Variants in IL10RB observed in about 807,000 individuals in gnomAD.
IL10RB encodes the protein interleukin-10 receptor subunit beta.
IL10RB carries 30 observed loss-of-function variants against 38.7 expected under a neutral mutation model. The ratio of observed to expected loss-of-function variants is 0.78; its 90% CI spans 0.58 to 1.05. The LOEUF (loss-of-function observed/expected upper bound fraction) is 1.05, where lower values mean the gene tolerates loss of function less well. Ranked by LOEUF, IL10RB falls within the 50% of genes least tolerant of loss-of-function variation. IL10RB has a pLI of 0.00. For synonymous variants in IL10RB, 142 were observed against 145.9 expected (o/e 0.97, Z 0.19); for missense variants, 328 against 397.1 (o/e 0.83, Z 1.48).
chr21:33,276,858 G>T (rs1739262151), intron 3 of IL10RB, 105 bp downstream of exon 3: 1 of 886,998 alleles, frequency 1.1e-6, no homozygotes, highest in Non-Finnish European at 1.9e-6. Flanking sequence ...CCCACAAATG[G>T]ATGGCCTTGC....
intron 2 of IL10RB, among the ~76,000 whole-genome samples, chr21:33,269,557 C>T (rs1461905271): frequency 6.6e-6 from 1 of 151,760 alleles, no homozygotes; most frequent in Admixed American, 6.6e-5. Flanking sequence ...TGTTTTTTAA[C>T]TTTTAGTTCA....
chr21:33,286,844 C>A (rs1989383494), intron 5 of IL10RB, among the ~76,000 whole-genome samples: 1 of 152,030 alleles, frequency 6.6e-6, no homozygotes, highest in Non-Finnish European at 1.5e-5. Context: ...CAGAACAAGA[C>A]TCTATCTCAA....
intron 2 of IL10RB, among the ~76,000 whole-genome samples, chr21:33,269,443 T>A (rs1251117323): frequency 2.0e-5 from 3 of 152,214 alleles, no homozygotes; most frequent in Non-Finnish European, 4.4e-5. Context: ...GGAAATTTCT[T>A]CCCAGATCCA....
At chr21:33,285,257 G>GC (rs1157271672) in intron 5 of IL10RB, among the ~76,000 whole-genome samples, 1 of 152,134 alleles carries the variant, frequency 6.6e-6, no homozygotes. Context: ...TAAGTAACTT[G>GC]CCCAAATGCT....
chr21:33,288,303 C>A (rs780525496), intron 6 of IL10RB, 42 bp downstream of exon 6: 2 of 1,582,966 alleles, frequency 1.3e-6, no homozygotes, highest in Admixed American at 1.7e-5. Flanking sequence ...AAACCTTGAT[C>A]GGAAAGAGCT....
intron 6 of IL10RB, among the ~76,000 whole-genome samples, chr21:33,291,859 C>T (rs1163127541): frequency 6.6e-6 from 1 of 152,184 alleles, no homozygotes; most frequent in Non-Finnish European, 1.5e-5. Context: ...CATTCCACAG[C>T]AGTGGTGGCT....
intron 1 of IL10RB, among the ~76,000 whole-genome samples, chr21:33,307,609 C>G (rs902530971): frequency 7.9e-5 from 12 of 152,290 alleles, no homozygotes; most frequent in African/African-American, 2.4e-4. Flanking sequence ...CACGGAACAG[C>G]CTGGGATGTG....
At chr21:33,271,587 G>A (rs1011651799) in intron 2 of IL10RB, among the ~76,000 whole-genome samples, 9 of 152,128 alleles carry the variant, frequency 5.9e-5, no homozygotes, top group Admixed American at 4.6e-4. Flanking sequence ...AATTAGCCGG[G>A]TATGGTGGTG....
At position 33,288,090 on chromosome 21, in the gene IL10RB, A is replaced by C. The variant is rs45526732; in HGVS notation, c.647-14A>C. On this transcript the variant is annotated splice_polypyrimidine_tract_variant and intron_variant, in intron 5 of 6. Transcript: ENST00000290200. ...CCTGTGACAAGAATGTAACATGCCCATTACCCCTGGCAGAAACGGTCCCCT... is the reference window on the plus strand; with the variant it reads ...CCTGTGACAAGAATGTAACATGCCCCTTACCCCTGGCAGAAACGGTCCCCT... 1.1e-5 allele frequency: 18 copies of C among 1,613,632 alleles called. No homozygotes were observed. Among genetic ancestry groups the C allele is most frequent in the Admixed American group, 3.3e-5 (2 of 59,976 alleles).
intron 4 of IL10RB, 52 bp downstream of exon 4, chr21:33,279,970 A>G (rs1989251163): frequency 1.9e-6 from 3 of 1,542,480 alleles, no homozygotes; most frequent in South Asian, 1.1e-5. Flanking sequence ...TATTCTTTGC[A>G]GAATCTTGCA....
chr21:33,276,883 G>A, intron 3 of IL10RB, 130 bp downstream of exon 3: 1 of 728,586 alleles, frequency 1.4e-6, no homozygotes, highest in Non-Finnish European at 2.4e-6. Flanking sequence ...GGAGCTTAAG[G>A]AATATAATAA....
Position 33,271,003 on chromosome 21 carries a change from G to A in IL10RB, c.173+2486G>A, listed in dbSNP as rs1018875635. ...GCCATGCCTTTTTGCCATTATAGTC[G>A]AGGCACTTGGCTTTGCATGTTTATC... On this transcript the variant is annotated intron_variant, in intron 2 of 6. Coordinates refer to ENST00000290200, the MANE Select transcript of IL10RB (RefSeq NM_000628.5). Among the ~76,000 whole-genome samples, 6 of 152,104 alleles carry A rather than the reference G, an allele frequency of 3.9e-5. 1 individual carries two copies. The highest frequency in any genetic ancestry group is 2.1e-4 in the South Asian group (1 of 4,830).
At chr21:33,284,548 G>A (rs935983754) in intron 5 of IL10RB, among the ~76,000 whole-genome samples, 31 of 152,278 alleles carry the variant, frequency 2.0e-4, no homozygotes, top group African/African-American at 7.0e-4. Context: ...TTCAGAGAGT[G>A]ATGCACTTTG....
intron 2 of IL10RB, among the ~76,000 whole-genome samples, chr21:33,276,028 G>A (rs928642329): frequency 6.6e-6 from 1 of 152,242 alleles, no homozygotes; most frequent in African/African-American, 2.4e-5. Context: ...AAGTGAGCAT[G>A]TGCTGTTGGA....
At chr21:33,276,500 TC>T (rs1308822188) in intron 2 of IL10RB, 95 bp from the exon 3 acceptor site, 28 of 933,042 alleles carry the variant, frequency 3.0e-5, no homozygotes, top group Non-Finnish European at 8.9e-6. Context: ...CAGTTTCCAC[TC>T]CCGCGCCGCC....
At chr21:33,281,029 G>A (rs1346758000) in intron 4 of IL10RB, among the ~76,000 whole-genome samples, 1 of 152,196 alleles carries the variant, frequency 6.6e-6, no homozygotes, top group Non-Finnish European at 1.5e-5. Flanking sequence ...CAAGGCACCA[G>A]CAGATTCAGT....
intron 3 of IL10RB, 106 bp from the exon 4 acceptor site, chr21:33,279,646 G>C: frequency 1.1e-6 from 1 of 919,860 alleles, no homozygotes; most frequent in Non-Finnish European, 1.8e-6. Context: ...GTATATCAAA[G>C]CAGTGTACTT....
At chr21:33,299,585 A>T (rs1369183091), downstream of IL10RB, among the ~76,000 whole-genome samples, 1 of 151,982 alleles carries the variant, frequency 6.6e-6, no homozygotes. Context: ...CCATCCCCAG[A>T]CTGGTTTAGC....
downstream of IL10RB, among the ~76,000 whole-genome samples, chr21:33,300,535 A>G (rs1601841078): frequency 6.6e-6 from 1 of 152,240 alleles, no homozygotes; most frequent in East Asian, 1.9e-4. Context: ...ACAAATCACC[A>G]TAAAACATAT....
Sources: gnomAD v4.1 joint callset for allele counts (sites outside exome capture counted in the v4.1 genomes callset) on GRCh38, gnomAD v4.1.1 for gene constraint, MANE v1.5 for transcripts, NCBI Gene and HGNC (gene_info 2026-07-23, HGNC 2026-07-21) for gene names.